The following INTS1 variants were observed in gnomAD, a reference collection of about 807,000 sequenced individuals.
The protein encoded by INTS1 is integrator complex subunit 1.
A neutral mutation model predicts 241.6 loss-of-function variants in INTS1; 137 were observed. The ratio of observed to expected loss-of-function variants is 0.57; its 90% CI spans 0.49 to 0.65. The LOEUF is 0.65. Among genes scored for constraint, INTS1 ranks in the 30% least tolerant of loss-of-function variants. The pLI is 0.00. For missense variants in INTS1, 3,073 were observed against 3,032.2 expected (o/e 1.01, Z -0.32); for synonymous variants, 1,692 against 1,337.8 (o/e 1.26, Z -5.78).
Position 1,476,452 on chromosome 7 carries a change from G to C in INTS1, c.5155C>G (p.Arg1719Gly). ...QGRDQRTPQKRREELVLRVQG... is the reference protein window; with the variant it reads ...QGRDQRTPQKGREELVLRVQG... Reference sequence around the variant, plus strand: ...ACCCGCAGCACCAGCTCCTCCCGCCGCTTCTGTAACGGGTGCCTGCATCAG... The same window carrying C: ...ACCCGCAGCACCAGCTCCTCCCGCCCCTTCTGTAACGGGTGCCTGCATCAG... The change falls in exon 38 of 48, where the codon CGG (arginine) becomes GGG (glycine). Residue 1719 changes from arginine (R) to glycine (G), a missense_variant. Transcript: ENST00000404767. The C allele has an allele frequency of 6.4e-7, 1 of 1,569,894 alleles. No homozygotes were observed. The highest frequency in any genetic ancestry group is 8.6e-7 in the Non-Finnish European group (1 of 1,162,584).
At chr7:1,500,582 C>G (rs1783125786) in intron 3 of INTS1, among the ~76,000 whole-genome samples, 1 of 152,220 alleles carries the variant, frequency 6.6e-6, no homozygotes, top group African/African-American at 2.4e-5. Flanking sequence ...AGCACTAGCC[C>G]ACCAGCCACT....
chr7:1,478,063 GA>G, intron 33 of INTS1, 127 bp from the exon 34 acceptor site: 2 of 850,150 alleles, frequency 2.4e-6, no homozygotes, highest in Non-Finnish European at 3.8e-6. Flanking sequence ...AGTCCAGCCG[GA>G]GCCAGAGAGG....
intron 44 of INTS1, 36 bp downstream of exon 44, chr7:1,472,237 G>A (rs746709667): frequency 8.5e-5 from 124 of 1,455,192 alleles, no homozygotes; most frequent in Non-Finnish European, 1.0e-4. Flanking sequence ...GACCCAGGGC[G>A]CTGACCTGGC....
intron 22 of INTS1, 29 bp downstream of exon 22, chr7:1,486,596 T>C (rs908075831): frequency 3.7e-6 from 6 of 1,603,770 alleles, no homozygotes; most frequent in Middle Eastern, 1.7e-4. Context: ...ATGAAGAGCG[T>C]GCGCAGAAAG....
rs748989600 is a variant in INTS1, at chr7:1,493,878, A to G, written c.1944T>C (p.Ile648=). Reference sequence around the variant, plus strand: ...GGATGCGCATCAGCGTGTCCTCCAAAATGGGCACCTCGGAGCACAGACGCA... The same window carrying G: ...GGATGCGCATCAGCGTGTCCTCCAAGATGGGCACCTCGGAGCACAGACGCA... ...FFLRLCSEVP[I]LEDTLMRILV... Residue 648 remains isoleucine (I), a synonymous_variant, in exon 15 of 48, where the codon ATT becomes ATC. Transcript: ENST00000404767. The surrounding 1 kb of genome is among the most constrained non-coding windows in gnomAD (Gnocchi z 5.3). The G allele has an allele frequency of 1.0e-5, 16 of 1,564,136 alleles. No homozygotes were observed. The Admixed American group carries it at 2.9e-4, about 28-fold the overall frequency.
intron 33 of INTS1, 109 bp from the exon 34 acceptor site, chr7:1,478,045 A>G: frequency 1.1e-6 from 1 of 929,776 alleles, no homozygotes; most frequent in Non-Finnish European, 1.7e-6. Context: ...TGTGGGACAC[A>G]AGAGCAGAGT....
intron 44 of INTS1, 68 bp downstream of exon 44, chr7:1,472,205 G>T: frequency 1.7e-6 from 2 of 1,208,698 alleles, no homozygotes; most frequent in Non-Finnish European, 2.4e-6. Context: ...ATGGCTACTG[G>T]CTGCTGCCCG....
Position 1,500,139 on chromosome 7 carries a change from G to T in INTS1, c.546+31C>A, listed in dbSNP as rs1367155321. 3 of 1,579,798 alleles carry T rather than the reference G, an allele frequency of 1.9e-6. No homozygotes were observed. The East Asian group carries it at 6.8e-5, about 36-fold the overall frequency. On this transcript the variant is annotated intron_variant, in intron 4 of 47. Coordinates refer to ENST00000404767, the MANE Select transcript of INTS1 (RefSeq NM_001080453.3). Reference sequence around the variant, plus strand: ...GAGGGGAGCCAAGGGCCCCAGCGCTGCTCGCCTCCTGCCAGGGGCCCGGCT... The same window carrying T: ...GAGGGGAGCCAAGGGCCCCAGCGCTTCTCGCCTCCTGCCAGGGGCCCGGCT...
chr7:1,493,918 G>A lies in INTS1; in HGVS notation c.1911-7C>T. The A allele has an allele frequency of 6.4e-7, 1 of 1,555,762 alleles. No individual in the cohort carries two copies. Among genetic ancestry groups the A allele is most frequent in the Non-Finnish European group, 8.7e-7 (1 of 1,149,714 alleles). On this transcript the variant is annotated splice_polypyrimidine_tract_variant and splice_region_variant and intron_variant, in intron 14 of 47. Transcript: ENST00000404767. This position sits in a 1 kb window ranked among gnomAD's most constrained non-coding sequence, Gnocchi z 5.3. ...GCACAGACGCAGGAAGAAGCTGCGG[G>A]GTGGGGGAGGCATGACTCGGTGTGG...
intron 8 of INTS1, 28 bp downstream of exon 8, chr7:1,498,947 C>CCCCCCCCCCCCCCCGCG: frequency 7.5e-7 from 1 of 1,339,476 alleles, no homozygotes; most frequent in Non-Finnish European, 1.0e-6. Context: ...CCCCCTGCCC[C>CCCCCCCCCCCCCCCGCG]GCCCACCCCC....
chr7:1,495,361 G>C (rs985107955), intron 13 of INTS1, 72 bp downstream of exon 13: 1 of 1,535,488 alleles, frequency 6.5e-7, no homozygotes, highest in Non-Finnish European at 8.8e-7. Flanking sequence ...TGGGGCAGGG[G>C]TTGTGCGGGG....
In INTS1 at chr7:1,473,138, G is replaced by C; in HGVS notation, c.6004C>G (p.Leu2002Val). ...CTGCTGGGCAGGCTGAGCCCTGCAA[G>C]GAGGGATTTCAGCATCACCAGGTCA... ...NSDLVMLKSL[L>V]AGLSLPSRDD... Residue 2002 changes from leucine (L) to valine (V), a missense_variant, in exon 43 of 48, where the codon CTT (leucine) becomes GTT (valine). Leu to Val is a conservative substitution (Grantham distance 32). Transcript: ENST00000404767. 6.2e-7 allele frequency: 1 copy of C among 1,612,252 alleles called. No individual in the cohort carries two copies. The highest frequency in any genetic ancestry group is 8.5e-7 in the Non-Finnish European group (1 of 1,179,468).
chr7:1,484,310 G>A, intron 24 of INTS1, 140 bp from the exon 25 acceptor site: 1 of 883,468 alleles, frequency 1.1e-6, no homozygotes, highest in Non-Finnish European at 1.7e-6. Context: ...TCAGCCGCAG[G>A]CCGCCAGGGA....
chr7:1,478,044 CAA>C (rs1781805978), intron 33 of INTS1, 108 bp from the exon 34 acceptor site: 6 of 946,202 alleles, frequency 6.3e-6, no homozygotes, highest in Non-Finnish European at 1.0e-5. Context: ...GTGTGGGACA[CAA>C]GAGCAGAGTC....
intron 16 of INTS1, 38 bp from the exon 17 acceptor site, chr7:1,489,720 C>T (rs1782457529): frequency 7.2e-7 from 1 of 1,391,392 alleles, no homozygotes; most frequent in Non-Finnish European, 9.7e-7. Flanking sequence ...GCCCAGCGCA[C>T]CAAGCTCAGC....
At chr7:1,495,309 A>G (rs1583150655) in intron 13 of INTS1, 124 bp downstream of exon 13, 3 of 1,152,346 alleles carry the variant, frequency 2.6e-6, no homozygotes, top group Non-Finnish European at 2.4e-6. Flanking sequence ...GGTGTGGGGC[A>G]GGGGCTGTGC....
At position 1,478,468 on chromosome 7, in the gene INTS1, A is replaced by AGGCCAGGGCCTC. The variant is rs903328862; in HGVS notation, c.4516_4527dup (p.Glu1506_Ala1509dup). Reference sequence around the variant, plus strand: ...CTGACCACCTCCAGGTCCTGACGGAAGGCCAGGGCCTCGGCCAGGCGCAGG... The same window carrying AGGCCAGGGCCTC: ...CTGACCACCTCCAGGTCCTGACGGAAGGCCAGGGCCTCGGCCAGGGCCTCGGCCAGGCGCAGG... On this transcript the variant is annotated inframe_insertion, in exon 33 of 48. Transcript: ENST00000404767. The AGGCCAGGGCCTC allele has an allele frequency of 6.2e-7, 1 of 1,612,090 alleles. No homozygotes were observed. The highest frequency in any genetic ancestry group is 8.5e-7 in the Non-Finnish European group (1 of 1,179,720).
chr7:1,478,670 G>C, intron 32 of INTS1, 56 bp downstream of exon 32: 1 of 1,501,414 alleles, frequency 6.7e-7, no homozygotes, highest in South Asian at 1.3e-5. Context: ...TGGCCACTCT[G>C]AGTGAGCCCC....
chr7:1,476,533 C>CCCCCTCTCCCGGATGGGCCAA, intron 37 of INTS1, 37 bp downstream of exon 37: 19 of 1,610,652 alleles, frequency 1.2e-5, no homozygotes, highest in Admixed American at 1.7e-5. Context: ...GGATGGGCCA[C>CCCCCTCTCCCGGATGGGCCAA]CCCCTCTCCC....
Sources: allele counts gnomAD v4.1 joint callset (sites outside exome capture counted in the v4.1 genomes callset), GRCh38; gene constraint gnomAD v4.1.1; non-coding constraint Gnocchi (gnomAD v3.1); transcripts MANE v1.5; gene names NCBI Gene and HGNC (gene_info 2026-07-23, HGNC 2026-07-21).